Variants in TRIM68 observed in about 807,000 individuals in gnomAD.
TRIM68 encodes the protein E3 ubiquitin-protein ligase TRIM68.
Under a neutral mutation model 41.9 loss-of-function variants are expected in TRIM68, and 36 were observed. The ratio of observed to expected loss-of-function variants is 0.86; its 90% CI spans 0.66 to 1.14. TRIM68 has a LOEUF of 1.14. Among genes scored for constraint, TRIM68 ranks in the 50% most tolerant of loss-of-function variants. TRIM68 has a pLI of 0.00. For synonymous variants in TRIM68, 225 were observed against 224.6 expected (o/e 1.00, Z -0.02); for missense variants, 632 against 605.1 (o/e 1.04, Z -0.47).
intron 4 of TRIM68, 71 bp from the exon 5 acceptor site, chr11:4,601,757 C>T (rs1214231919): frequency 7.6e-6 from 12 of 1,571,380 alleles, no homozygotes; most frequent in East Asian, 2.2e-5. Flanking sequence ...ATCGAACTGG[C>T]AGGGAGTTTC....
Position 4,605,319 on chromosome 11 carries a change from A to C in TRIM68, c.186T>G (p.Ala62=). 3.7e-6 allele frequency: 6 copies of C among 1,614,242 alleles called. No individual in the cohort carries two copies. The highest frequency in any genetic ancestry group is 5.1e-6 in the Non-Finnish European group (6 of 1,180,050). Residue 62 remains alanine, a synonymous_variant, in exon 2 of 7, where the codon GCT becomes GCG. Transcript: ENST00000300747. ...NWGYTCPLCR[A]PVQPRNLRPN... ...GCCGCAGGTTCCTTGGCTGGACAGG[A>C]GCTCGACAGAGGGGACAGGTGTAAC...
Position 4,600,426 on chromosome 11 carries a change from G to T in TRIM68, c.1308C>A (p.Phe436Leu), listed in dbSNP as rs1423445688. The T allele has an allele frequency of 2.5e-6, 4 of 1,613,988 alleles. No individual in the cohort carries two copies. In the Admixed American group the frequency reaches 6.7e-5, roughly 27 times the overall value. The change falls in exon 7 of 7, where the codon TTC becomes TTA. Residue 436 changes from phenylalanine to leucine, a missense_variant. Transcript: ENST00000300747. ...FVDYEAHDIS[F>L]YNVTDCGSHI... ...GGGAGCCACAGTCAGTCACATTGTA[G>T]AAAGAAATGTCATGGGCCTCATAAT... is the stretch of plus-strand genomic sequence containing the variant.
chr11:4,600,797 A>G lies in TRIM68; in HGVS notation c.937T>C (p.Tyr313His). The change falls in exon 7 of 7, where the codon TAC (tyrosine) becomes CAC (histidine). Residue 313 changes from tyrosine to histidine, a missense_variant. Transcript: ENST00000300747. ...ADVRLDPDTA[Y>H]SRLIVSEDRK... ...TCCTCAGACACGATGAGACGGGAGT[A>G]AGCAGTATCTGGATCCAAGCGCACA... 1 of 1,614,048 alleles carries G rather than the reference A, an allele frequency of 6.2e-7. No homozygotes were observed. The highest frequency in any genetic ancestry group is 8.5e-7 in the Non-Finnish European group (1 of 1,179,960).
rs1846554311 is a variant in TRIM68, at chr11:4,605,374, C to T, written c.131G>A (p.Trp44Ter). 1 of 1,614,172 alleles carries T rather than the reference C, an allele frequency of 6.2e-7. No individual in the cohort carries two copies. Among genetic ancestry groups the T allele is most frequent in the Non-Finnish European group, 8.5e-7 (1 of 1,180,034 alleles). Residue 44 changes from tryptophan to a stop codon, truncating the protein, a stop_gained, in exon 2 of 7, where the codon TGG (tryptophan) becomes TAG (stop). Coordinates refer to ENST00000300747, the MANE Select transcript of TRIM68 (RefSeq NM_018073.8). LOFTEE classifies it high-confidence loss of function. ...SFCHSCLSGL[W>*]EIPGESQNWG... ...GTTCTGGGATTCTCCTGGGATCTCC[C>T]AGAGTCCAGAGAGACAGCTGTGGCA...
At position 4,605,050 on chromosome 11, in the gene TRIM68, G is replaced by T. The variant is rs763378323; in HGVS notation, c.426+29C>A. 11 of 1,606,786 alleles carry T rather than the reference G, an allele frequency of 6.8e-6. No homozygotes were observed. The African/African-American group carries it at 1.1e-4, about 16-fold the overall frequency. On this transcript the variant is annotated intron_variant, in intron 2 of 6. Coordinates refer to ENST00000300747, the MANE Select transcript of TRIM68 (RefSeq NM_018073.8). ...AACAGCCAACTTGGGGCCGGGGTTA[G>T]ACTGGAGTGGCCAGCTTCCATCTCT...
chr11:4,602,303 G>T lies in TRIM68; in HGVS notation c.632C>A (p.Ala211Glu). ...CTCCCGCTGTAGGCTGGCCAGAGCT[G>T]CTGCTACCTCTGCCCCCAGCTGCCG... The part of the protein sequence containing the change: ...PHRQLGAEVA[A>E]ALASLQREAA... Residue 211 changes from alanine to glutamate, a missense_variant, in exon 4 of 7, where the codon GCA becomes GAA. Coordinates refer to ENST00000300747, the MANE Select transcript of TRIM68 (RefSeq NM_018073.8). 5.0e-6 allele frequency: 8 copies of T among 1,614,160 alleles called. No individual in the cohort carries two copies. The highest frequency in any genetic ancestry group is 6.8e-6 in the Non-Finnish European group (8 of 1,180,030).
At position 4,602,516 on chromosome 11, in the gene TRIM68, G is replaced by C. The variant is rs961433596; in HGVS notation, c.523-104C>G. 12 of 1,440,820 alleles carry C rather than the reference G, an allele frequency of 8.3e-6. No homozygotes were observed. The East Asian group carries it at 2.9e-4, about 34-fold the overall frequency. The allele number at this position is 1,440,820 out of a possible 1,614,324, so 89.3% of individuals were successfully genotyped here. A position where few individuals can be genotyped will look rare whatever the true frequency, so the allele number is the denominator to read the frequency against. Reference sequence around the variant, plus strand: ...TACTCTGCAATGGTACCAACCACGTGACAGGCTATGCAGGGGCAAAGATAA... The same window carrying C: ...TACTCTGCAATGGTACCAACCACGTCACAGGCTATGCAGGGGCAAAGATAA... On this transcript the variant is annotated intron_variant, in intron 3 of 6. Transcript: ENST00000300747.
In TRIM68 at chr11:4,600,513, G is replaced by C; in HGVS notation, c.1221C>G (p.Gly407=). Reference sequence around the variant, plus strand: ...AGGACAGGATTGGGTACTCATCGGTGCCTGCTCGGTACTCATTTCCCTTCC... The same window carrying C: ...AGGACAGGATTGGGTACTCATCGGTCCCTGCTCGGTACTCATTTCCCTTCC... ...RLRKGNEYRA[G]TDEYPILSLP... is the part of the protein sequence containing the mutation. Residue 407 remains glycine, a synonymous_variant, in exon 7 of 7, where the codon GGC becomes GGG. Coordinates refer to ENST00000300747, the MANE Select transcript of TRIM68 (RefSeq NM_018073.8). 1.2e-6 allele frequency: 2 copies of C among 1,613,922 alleles called. No individual in the cohort carries two copies. The highest frequency in any genetic ancestry group is 1.7e-6 in the Non-Finnish European group (2 of 1,179,930).
At chr11:4,603,379 G>T in intron 2 of TRIM68, 39 bp from the exon 3 acceptor site, 1 of 1,599,904 alleles carries the variant, frequency 6.3e-7, no homozygotes, top group South Asian at 1.1e-5. Flanking sequence ...ACCTCCGGCA[G>T]CCTAGGCTTC....
At chr11:4,601,623 C>T (rs1378504899) in intron 5 of TRIM68, 41 bp downstream of exon 5, 3 of 1,612,522 alleles carry the variant, frequency 1.9e-6, no homozygotes, top group Admixed American at 3.3e-5. Context: ...CCTCACTATC[C>T]CCTACAGGGC....
At chr11:4,602,055 C>G (rs1846497992) in intron 4 of TRIM68, 97 bp downstream of exon 4, 3 of 1,540,198 alleles carry the variant, frequency 1.9e-6, no homozygotes, top group Admixed American at 3.4e-5. Flanking sequence ...TGGCAGAGGG[C>G]TGGCAGTCCC....
Position 4,600,866 on chromosome 11 carries a change from C to T in TRIM68, c.908-40G>A, listed in dbSNP as rs377023834. ...CCTGGTTGGTAACAGTGATATAGGG[C>T]CAGGGGACATGGGTGAGAGCCCTCT... On this transcript the variant is annotated intron_variant, in intron 6 of 6. Coordinates refer to ENST00000300747, the MANE Select transcript of TRIM68 (RefSeq NM_018073.8). 5.0e-6 allele frequency: 8 copies of T among 1,593,166 alleles called. No homozygotes were observed. The African/African-American group carries it at 9.4e-5, about 19-fold the overall frequency.
Position 4,600,801 on chromosome 11 carries a change from A to G in TRIM68, c.933T>C (p.Thr311=), listed in dbSNP as rs1396100341. ...YAADVRLDPD[T]AYSRLIVSED... ...CAGACACGATGAGACGGGAGTAAGC[A>G]GTATCTGGATCCAAGCGCACATCAG... The change falls in exon 7 of 7, where the codon ACT becomes ACC. Residue 311 remains threonine (T), a synonymous_variant. Transcript: ENST00000300747. 13 of 1,613,948 alleles carry G rather than the reference A, an allele frequency of 8.1e-6. No homozygotes were observed. Among genetic ancestry groups the G allele is most frequent in the Non-Finnish European group, 1.1e-5 (13 of 1,179,856 alleles).
In TRIM68 at chr11:4,600,774, C is replaced by T. The variant is rs1270504651; in HGVS notation, c.960G>A (p.Glu320=). The change falls in exon 7 of 7, where the codon GAG becomes GAA. Residue 320 remains glutamate (E), a synonymous_variant. Transcript: ENST00000300747. ...CTCCATAGTGCACACGTTTTCTGTC[C>T]TCAGACACGATGAGACGGGAGTAAG... ...DTAYSRLIVS[E]DRKRVHYGDT... is the part of the protein sequence containing the mutation. 6 of 1,613,954 alleles carry T rather than the reference C, an allele frequency of 3.7e-6. No homozygotes were observed. The highest frequency in any genetic ancestry group is 5.1e-6 in the Non-Finnish European group (6 of 1,180,034).
At position 4,599,483 on chromosome 11, in the gene TRIM68, T is replaced by C. The variant is rs4910637; in HGVS notation, c.*793A>G. 133,929 of 152,202 alleles carry C rather than the reference T, an allele frequency of 0.88. 59,092 individuals are homozygous for C. Among genetic ancestry groups the C allele is most frequent in the East Asian group, 1 (5,150 of 5,154 alleles). 9.4% of individuals were successfully genotyped at this position (152,202 alleles called of 1,614,324 possible). ...CTGCACTCCAGCCTGGGCAACAGAG[T>C]GAGACTCCGTGTCAAAAAAAAAGAA... On this transcript the variant is annotated 3_prime_UTR_variant, in exon 7 of 7. Coordinates refer to ENST00000300747, the MANE Select transcript of TRIM68 (RefSeq NM_018073.8).
In TRIM68 at chr11:4,601,927, C is replaced by T. The variant is rs553159803; in HGVS notation, c.783+225G>A. The T allele has an allele frequency of 3.6e-4, 281 of 781,464 alleles. 1 individual carries two copies. Among genetic ancestry groups the T allele is most frequent in the East Asian group, 1.7e-3 (63 of 37,440 alleles). The allele number at this position is 781,464 out of a possible 1,614,324, so 48.4% of individuals were successfully genotyped here. On this transcript the variant is annotated intron_variant, in intron 4 of 6. Coordinates refer to ENST00000300747, the MANE Select transcript of TRIM68 (RefSeq NM_018073.8). Reference sequence around the variant, plus strand: ...GGCTAGAGGAGAGGGCCTGGAATGACGCCAGAGCTGCCTGAGCACTGCCCC... The same window carrying T: ...GGCTAGAGGAGAGGGCCTGGAATGATGCCAGAGCTGCCTGAGCACTGCCCC...
chr11:4,605,613 G>A (rs894492075), intron 1 of TRIM68, 52 bp from the exon 2 acceptor site: 13 of 1,081,382 alleles, frequency 1.2e-5, no homozygotes, highest in African/African-American at 4.7e-5. Flanking sequence ...CAGAGGAACA[G>A]AGAGATCAGT....
At chr11:4,605,833 T>C (rs1291756982) in intron 1 of TRIM68, among the ~76,000 whole-genome samples, 2 of 152,194 alleles carry the variant, frequency 1.3e-5, no homozygotes, top group African/African-American at 4.8e-5. Context: ...GATTTTCCTC[T>C]GGGTTTGCTC....
chr11:4,601,754 T>A, intron 4 of TRIM68, 68 bp from the exon 5 acceptor site: 1 of 1,579,394 alleles, frequency 6.3e-7, no homozygotes, highest in Non-Finnish European at 8.7e-7. Context: ...GACATCGAAC[T>A]GGCAGGGAGT....
Sources: allele counts gnomAD v4.1 joint callset (sites outside exome capture counted in the v4.1 genomes callset), GRCh38; gene constraint gnomAD v4.1.1; transcripts MANE v1.5; gene names NCBI Gene and HGNC (gene_info 2026-07-23, HGNC 2026-07-21).